Variants in GRM5 observed in about 807,000 individuals in gnomAD.
GRM5 encodes metabotropic glutamate receptor 5.
In GRM5, 19 loss-of-function variants were observed where a neutral mutation model predicts 83.1. That is an observed-to-expected ratio of 0.23 (90% CI 0.16 to 0.34). The LOEUF (loss-of-function observed/expected upper bound fraction) is 0.34, where lower values mean the gene tolerates loss of function less well. Ranked by LOEUF, GRM5 falls within the 10% of genes least tolerant of loss-of-function variation. GRM5 has a pLI of 1.00. For synonymous variants in GRM5, 675 were observed against 633.6 expected (o/e 1.07, Z -0.98); for missense variants, 1,160 against 1,588.3 (o/e 0.73, Z 4.58).
intron 9 of GRM5, among the ~76,000 whole-genome samples, chr11:88,510,638 TC>T (rs1941340778): frequency 6.6e-6 from 1 of 152,142 alleles, no homozygotes; most frequent in Non-Finnish European, 1.5e-5. Flanking sequence ...TGCCTCAGCT[TC>T]CTGAGAAGCT....
chr11:88,612,344 C>G (rs1381576122), intron 4 of GRM5, among the ~76,000 whole-genome samples: 2 of 132,364 alleles, frequency 1.5e-5, no homozygotes, highest in African/African-American at 5.3e-5. Context: ...ATATGTGCCA[C>G]ATTTTCTTAA....
intron 3 of GRM5, among the ~76,000 whole-genome samples, chr11:88,796,113 T>C (rs1238674713): frequency 6.6e-6 from 1 of 152,164 alleles, no homozygotes; most frequent in Admixed American, 6.5e-5. Context: ...TCAGGACCAC[T>C]TGCATTTCCA....
At chr11:88,803,701 A>C (rs1288107980) in intron 3 of GRM5, among the ~76,000 whole-genome samples, 1 of 152,198 alleles carries the variant, frequency 6.6e-6, no homozygotes, top group Non-Finnish European at 1.5e-5. Context: ...TAATTAAACT[A>C]AAGAGCTTCT....
intron 8 of GRM5, among the ~76,000 whole-genome samples, chr11:88,547,732 C>G (rs190815174): frequency 2.6e-5 from 4 of 152,204 alleles, no homozygotes; most frequent in Admixed American, 2.6e-4. Context: ...GTCATGGGTT[C>G]ACATCAGCTC....
intron 3 of GRM5, among the ~76,000 whole-genome samples, chr11:88,703,215 C>A (rs554383380): frequency 6.6e-6 from 1 of 152,062 alleles, no homozygotes; most frequent in South Asian, 2.1e-4. Context: ...ATGTTGTAAA[C>A]CCTCTACACC....
intron 2 of GRM5, among the ~76,000 whole-genome samples, chr11:88,945,228 A>G (rs1938240488): frequency 6.6e-6 from 1 of 151,974 alleles, no homozygotes; most frequent in African/African-American, 2.4e-5. Context: ...AAACACTGTT[A>G]AAAGAAATCA....
At chr11:88,513,445 T>C (rs1312299630) in intron 9 of GRM5, among the ~76,000 whole-genome samples, 2 of 152,242 alleles carry the variant, frequency 1.3e-5, no homozygotes, top group Non-Finnish European at 2.9e-5. Flanking sequence ...TATTTTGCCT[T>C]ATGGATCTAC....
chr11:88,627,285 A>T (rs1321144484), intron 4 of GRM5, among the ~76,000 whole-genome samples: 2 of 152,204 alleles, frequency 1.3e-5, no homozygotes, highest in Non-Finnish European at 1.5e-5. Context: ...TTTCATTTCC[A>T]TAAACCCACC....
intron 3 of GRM5, among the ~76,000 whole-genome samples, chr11:88,665,207 CT>C (rs1279022876): frequency 2.5e-5 from 2 of 81,566 alleles, no homozygotes; most frequent in Non-Finnish European, 6.4e-5. Context: ...CTTGGAATTT[CT>C]TTCTTTTTTT....
intron 7 of GRM5, among the ~76,000 whole-genome samples, chr11:88,574,889 A>T (rs1049102642): frequency 1.3e-5 from 2 of 152,194 alleles, no homozygotes; most frequent in African/African-American, 4.8e-5. Flanking sequence ...ATGAGACAGT[A>T]ACCAGTAAAG....
At chr11:88,606,386 G>A (rs994671444) in intron 4 of GRM5, among the ~76,000 whole-genome samples, 1 of 152,168 alleles carries the variant, frequency 6.6e-6, no homozygotes, top group African/African-American at 2.4e-5. Flanking sequence ...GCTGGGTGTG[G>A]TGGCAGGTGC....
At chr11:88,705,484 A>G (rs1011010438) in intron 3 of GRM5, among the ~76,000 whole-genome samples, 1 of 151,948 alleles carries the variant, frequency 6.6e-6, no homozygotes, top group East Asian at 1.9e-4. Context: ...TTTCATCCCC[A>G]CACCTTATTT....
chr11:88,750,526 T>G (rs1210340753), intron 3 of GRM5, among the ~76,000 whole-genome samples: 4 of 152,130 alleles, frequency 2.6e-5, no homozygotes, highest in African/African-American at 9.7e-5. Flanking sequence ...ATTAGATCAT[T>G]GGGATAGAAA....
chr11:88,519,482 C>A (rs1941619870), intron 9 of GRM5, among the ~76,000 whole-genome samples: 1 of 152,006 alleles, frequency 6.6e-6, no homozygotes, highest in South Asian at 2.1e-4. Context: ...CAGAATCAGA[C>A]TGAGTTGGGC....
intron 1 of GRM5, among the ~76,000 whole-genome samples, chr11:89,049,496 T>C (rs987615548): frequency 3.3e-5 from 5 of 152,192 alleles, no homozygotes; most frequent in Non-Finnish European, 7.4e-5. Context: ...TCTTCAGGAA[T>C]GTATGTAAAT....
chr11:88,796,090 C>T (rs1047939389), intron 3 of GRM5, among the ~76,000 whole-genome samples: 21 of 152,126 alleles, frequency 1.4e-4, no homozygotes, highest in Non-Finnish European at 2.9e-4. Flanking sequence ...AGCATAAACA[C>T]TATTACTGAT....
intron 2 of GRM5, among the ~76,000 whole-genome samples, chr11:88,968,819 C>T (rs1299948548): frequency 6.6e-6 from 1 of 151,966 alleles, no homozygotes; most frequent in Non-Finnish European, 1.5e-5. Context: ...AAAAACCAAA[C>T]TAAAAAATAA....
chr11:88,700,523 T>A (rs1163617205), intron 3 of GRM5, among the ~76,000 whole-genome samples: 1 of 152,198 alleles, frequency 6.6e-6, no homozygotes, highest in Non-Finnish European at 1.5e-5. Context: ...TTTGGTGGAA[T>A]GTTGTCTGCA....
chr11:88,607,002 T>C (rs10128749), intron 4 of GRM5, among the ~76,000 whole-genome samples: 18,374 of 151,594 alleles, frequency 0.12, 1,509 homozygotes, highest in African/African-American at 0.23. Context: ...TAGTATGTTG[T>C]TTTATGGCTT....
Sources: gnomAD v4.1 joint callset for allele counts (sites outside exome capture counted in the v4.1 genomes callset) on GRCh38, gnomAD v4.1.1 for gene constraint, MANE v1.5 for transcripts, NCBI Gene and HGNC (gene_info 2026-07-23, HGNC 2026-07-21) for gene names.